RBFOX1: variants seen among roughly 807,000 people sequenced by gnomAD.
RBFOX1 encodes the protein RNA binding protein fox-1 homolog 1.
Under a neutral mutation model 57.7 loss-of-function variants are expected in RBFOX1, and 8 were observed. The ratio of observed to expected loss-of-function variants is 0.14; its 90% CI spans 0.08 to 0.25. The LOEUF (loss-of-function observed/expected upper bound fraction) is 0.25, where lower values mean the gene tolerates loss of function less well. Ranked by LOEUF, RBFOX1 falls within the 10% of genes least tolerant of loss-of-function variation. The pLI is 1.00. For synonymous variants in RBFOX1, 326 were observed against 222.4 expected (o/e 1.47, Z -4.15); for missense variants, 611 against 548.5 (o/e 1.11, Z -1.14).
chr16:5,734,603 G>C (rs1032986298), intron 3 of RBFOX1, among the ~76,000 whole-genome samples: 1 of 152,128 alleles, frequency 6.6e-6, no homozygotes, highest in Non-Finnish European at 1.5e-5. Context: ...ATCTTGCTCA[G>C]GTCCACTGAT....
In RBFOX1 at chr16:6,097,710, G is replaced by T. The variant is rs78231035; in HGVS notation, c.-127+77718G>T. Among the ~76,000 whole-genome samples, 46 of 151,996 alleles carry T rather than the reference G, an allele frequency of 3.0e-4. 1 individual carries two copies. The East Asian group carries it at 8.5e-3, about 28-fold the overall frequency. On this transcript the variant is annotated intron_variant, in intron 1 of 15. Transcript: ENST00000550418. The surrounding 1 kb of genome is among the most constrained non-coding windows in gnomAD (Gnocchi z 5.0). Reference sequence around the variant, plus strand: ...AGGGCTTGTGAATCTGGAGCCCATAGACTCAACTCCTGTGCTATACTGCCT... The same window carrying T: ...AGGGCTTGTGAATCTGGAGCCCATATACTCAACTCCTGTGCTATACTGCCT...
chr16:7,223,460 ATTGGTAATGC>A, intron 4 of RBFOX1, among the ~76,000 whole-genome samples: 1 of 152,216 alleles, frequency 6.6e-6, no homozygotes, highest in Admixed American at 6.5e-5. Flanking sequence ...ACAAATTCGC[ATTGGTAATGC>A]GAATGATAGA....
In RBFOX1 at chr16:6,773,950, C is replaced by T. The variant is rs76517972; in HGVS notation, c.-16+119300C>T. The T allele has an allele frequency of 2.9e-4, 282 of 985,254 alleles. 2 individuals carry two copies. In the East Asian group the frequency reaches 0.021, roughly 74 times the overall value. The allele number at this position is 985,254 out of a possible 1,614,324, so 61.0% of individuals were successfully genotyped here. ...TGGAGTGTGTTTGTGTGTGTGCACA[C>T]GCACATGGTTCTCATGGTCCTCCCG... On this transcript the variant is annotated intron_variant, in intron 3 of 15. Coordinates refer to ENST00000550418, the MANE Select transcript of RBFOX1 (RefSeq NM_018723.4).
At chr16:6,482,549 CAT>C (rs1341843526) in intron 2 of RBFOX1, among the ~76,000 whole-genome samples, 5 of 152,196 alleles carry the variant, frequency 3.3e-5, no homozygotes, top group Non-Finnish European at 7.3e-5. Flanking sequence ...TCAAGGTACA[CAT>C]ATTTAAAAGG....
intron 3 of RBFOX1, among the ~76,000 whole-genome samples, chr16:7,050,433 T>A (rs912592144): frequency 6.6e-6 from 1 of 151,950 alleles, no homozygotes; most frequent in Non-Finnish European, 1.5e-5. Flanking sequence ...GCCCAGCTAA[T>A]TTTTGTATTT....
At position 6,450,574 on chromosome 16, in the gene RBFOX1, T is replaced by A. The variant is rs2153043118; in HGVS notation, c.-64+133517T>A. 2.0e-5 allele frequency among the ~76,000 whole-genome samples: 3 copies of A among 150,682 alleles called. 1 individual carries two copies. In the South Asian group the frequency reaches 6.3e-4, roughly 32 times the overall value. The stretch of plus-strand genomic sequence containing the variant: ...TTGAGGTTTGTGTGTGGGTATTAAC[T>A]TCATTCCTGGCTTCAGTATGTTTCC... On this transcript the variant is annotated intron_variant, in intron 2 of 15. Coordinates refer to ENST00000550418, the MANE Select transcript of RBFOX1 (RefSeq NM_018723.4).
chr16:6,694,423 C>A (rs908118732), intron 3 of RBFOX1, among the ~76,000 whole-genome samples: 1 of 152,190 alleles, frequency 6.6e-6, no homozygotes, highest in African/African-American at 2.4e-5. Flanking sequence ...ACTGGTTGGT[C>A]TTACCATGTG....
At chr16:6,616,050 G>C (rs1337916443) in intron 2 of RBFOX1, among the ~76,000 whole-genome samples, 2 of 152,184 alleles carry the variant, frequency 1.3e-5, no homozygotes, top group Non-Finnish European at 2.9e-5. Flanking sequence ...AGGAAAGTCA[G>C]ACTGTCATCG....
At chr16:5,294,910 A>C (rs2063625152) in intron 1 of RBFOX1, among the ~76,000 whole-genome samples, 1 of 150,076 alleles carries the variant, frequency 6.7e-6, no homozygotes, top group East Asian at 2.0e-4. Context: ...CACGCCTTTG[A>C]TCCCAGCTAC....
chr16:5,663,018 G>C (rs2049708865), intron 3 of RBFOX1, among the ~76,000 whole-genome samples: 1 of 152,150 alleles, frequency 6.6e-6, no homozygotes, highest in South Asian at 2.1e-4. Context: ...CCTCCCAGAG[G>C]GCAGTTGGCA....
intron 1 of RBFOX1, among the ~76,000 whole-genome samples, chr16:6,227,667 A>G (rs2097428210): frequency 6.6e-6 from 1 of 152,176 alleles, no homozygotes; most frequent in African/African-American, 2.4e-5. Flanking sequence ...CAGAAGCCAC[A>G]CTGGACAATG....
At chr16:7,114,959 G>C (rs191025872) in intron 4 of RBFOX1, among the ~76,000 whole-genome samples, 2 of 152,130 alleles carry the variant, frequency 1.3e-5, no homozygotes, top group South Asian at 2.1e-4. Flanking sequence ...TCTGCTTTTA[G>C]GAACTGGAGA....
rs151093395 is a variant in RBFOX1, at chr16:6,080,192, A to G, written c.-127+60200A>G. Among the ~76,000 whole-genome samples the G allele has an allele frequency of 7.6e-4, 116 of 152,208 alleles. 1 individual carries two copies. Among genetic ancestry groups the G allele is most frequent in the African/African-American group, 2.2e-3 (91 of 41,548 alleles). ...GGCAGGTTCAGGGTTTGCCATCCCA[A>G]TCTTCCCTTGGCGCTGATCCGTGGT... is the stretch of plus-strand genomic sequence containing the variant. On this transcript the variant is annotated intron_variant, in intron 1 of 15. Coordinates refer to ENST00000550418, the MANE Select transcript of RBFOX1 (RefSeq NM_018723.4).
rs146530984 is a variant in RBFOX1 at position 5,992,298 on chromosome 16, G to C, written c.351+124963G>C. Among the ~76,000 whole-genome samples, 548 of 152,238 alleles carry C rather than the reference G, an allele frequency of 3.6e-3. 5 individuals are homozygous for C. Among genetic ancestry groups the C allele is most frequent in the African/African-American group, 0.013 (520 of 41,532 alleles). ...AGCTGCAGTGGGATTGCAATAGATA[G>C]GGAAAAAAAGGTTAACATTGCTTAG... On this transcript the variant is annotated intron_variant, in intron 4 of 19. Transcript: ENST00000641259.
At position 6,786,908 on chromosome 16, in the gene RBFOX1, TAA is replaced by T. The variant is rs58005268; in HGVS notation, c.-16+132268_-16+132269del. Among the ~76,000 whole-genome samples, 33 of 149,990 alleles carry T rather than the reference TAA, an allele frequency of 2.2e-4. No homozygotes were observed. In the South Asian group the frequency reaches 3.6e-3, roughly 16 times the overall value. On this transcript the variant is annotated intron_variant, in intron 3 of 15. Transcript: ENST00000550418. ...CTTAGCCGGCAGGCTTTTTTACTTT[TAA>T]AAAAAAAAAGGCTTATTGACTCTTA...
chr16:7,236,960 C>G (rs2093798449), intron 4 of RBFOX1, among the ~76,000 whole-genome samples: 1 of 152,128 alleles, frequency 6.6e-6, no homozygotes, highest in Non-Finnish European at 1.5e-5. Flanking sequence ...TTTATAAACT[C>G]TGTGTAACTA....
chr16:6,536,427 C>T (rs766763159), intron 2 of RBFOX1, among the ~76,000 whole-genome samples: 9 of 152,198 alleles, frequency 5.9e-5, no homozygotes, highest in African/African-American at 1.2e-4. Flanking sequence ...CCCCTGTTGA[C>T]TTCAAGTTAA....
intron 4 of RBFOX1, among the ~76,000 whole-genome samples, chr16:7,096,314 C>G (rs1254156895): frequency 5.3e-5 from 8 of 152,104 alleles, no homozygotes; most frequent in Non-Finnish European, 1.2e-4. Flanking sequence ...GACAGGCAGT[C>G]AGAACCAGGT....
At chr16:5,251,797 G>A (rs1057424111) in intron 1 of RBFOX1, among the ~76,000 whole-genome samples, 1 of 151,766 alleles carries the variant, frequency 6.6e-6, no homozygotes, top group Non-Finnish European at 1.5e-5. Flanking sequence ...TCCTCATGCT[G>A]TATGTTTAGA....
Sources: allele counts gnomAD v4.1 joint callset (sites outside exome capture counted in the v4.1 genomes callset), GRCh38; gene constraint gnomAD v4.1.1; non-coding constraint Gnocchi (gnomAD v3.1); transcripts MANE v1.5; gene names NCBI Gene and HGNC (gene_info 2026-07-23, HGNC 2026-07-21).